Variants in C5orf22 observed in about 807,000 individuals in gnomAD.
C5orf22 encodes UPF0489 protein C5orf22.
C5orf22 carries 36 observed loss-of-function variants against 48.7 expected under a neutral mutation model. The ratio of observed to expected loss-of-function variants is 0.74; its 90% CI spans 0.57 to 0.98. The LOEUF is 0.98. Among genes scored for constraint, C5orf22 ranks in the 50% least tolerant of loss-of-function variants. C5orf22 has a pLI of 0.00. For missense variants in C5orf22, 486 were observed against 521.9 expected (o/e 0.93, Z 0.67); for synonymous variants, 141 against 180.8 (o/e 0.78, Z 1.76).
intron 7 of C5orf22, among the ~76,000 whole-genome samples, chr5:31,549,020 G>T (rs1743076696): frequency 6.6e-6 from 1 of 152,110 alleles, no homozygotes; most frequent in Non-Finnish European, 1.5e-5. Context: ...GGGAGTTCGA[G>T]ACCAGCCTGA....
rs1743492896 is a variant in C5orf22, at chr5:31,554,745, A to G, written c.*1843A>G. The G allele has an allele frequency of 6.6e-6, 1 of 152,176 alleles. No individual in the cohort carries two copies. Among genetic ancestry groups the G allele is most frequent in the Admixed American group, 6.5e-5 (1 of 15,282 alleles). The allele number at this position is 152,176 out of a possible 1,614,324, so 9.4% of individuals were successfully genotyped here. A position where few individuals can be genotyped will look rare whatever the true frequency, so the allele number is the denominator to read the frequency against. ...TTACTAGTCATTTATTATGATTCCC[A>G]TGAACTCTGATATGATTCATTGTGG... On this transcript the variant is annotated 3_prime_UTR_variant, in exon 9 of 9. Transcript: ENST00000325366.
chr5:31,534,323 A>C lies in C5orf22; in HGVS notation c.133A>C (p.Asn45His). ...AGGCTCAAAGCATCTTCCTGCCAGT[A>C]ATGTAAGTTTTTTACATTTCGACTC... ...AIGSKHLPAS[N>H]VSFLHFDSHP... Residue 45 changes from asparagine (N) to histidine (H), a missense_variant, in exon 2 of 9, where the codon AAT (asparagine) becomes CAT (histidine). By Grantham distance (68) the Asn-to-His change is moderately conservative (BLOSUM62 1). This residue lies in a region of C5orf22 where 74 missense variants were observed against 61.2 expected (regional missense o/e 1.21). Coordinates refer to ENST00000325366, the MANE Select transcript of C5orf22 (RefSeq NM_018356.3). 1 of 1,613,816 alleles carries C rather than the reference A, an allele frequency of 6.2e-7. No individual in the cohort carries two copies. Among genetic ancestry groups the C allele is most frequent in the Non-Finnish European group, 8.5e-7 (1 of 1,179,748 alleles).
rs200237808 is a variant in C5orf22, at chr5:31,534,269, C to T, written c.82-3C>T. 27 of 1,605,824 alleles carry T rather than the reference C, an allele frequency of 1.7e-5. No homozygotes were observed. The highest frequency in any genetic ancestry group is 2.7e-5 in the African/African-American group (2 of 74,438). ...TCTTATTGTGTGCCTGTGTCTTTTA[C>T]AGGTTCTACCCTTTATATACCGGGC... is the stretch of plus-strand genomic sequence containing the variant. On this transcript the variant is annotated splice_region_variant and splice_polypyrimidine_tract_variant and intron_variant, in intron 1 of 8. Transcript: ENST00000325366.
chr5:31,552,814 C>G lies in C5orf22; in HGVS notation c.1241C>G (p.Thr414Ser). The change falls in exon 9 of 9, where the codon ACT becomes AGT. Residue 414 changes from threonine (T) to serine (S), a missense_variant. Thr to Ser is a moderately conservative substitution (Grantham distance 58). Coordinates refer to ENST00000325366, the MANE Select transcript of C5orf22 (RefSeq NM_018356.3). ...TACTGTCCTTCTGACCAAGTTGACA[C>G]TATTCAAGAAAAGGTCCTCAATATG... is the stretch of plus-strand genomic sequence containing the variant. The part of the protein sequence containing the change: ...DDYCPSDQVD[T>S]IQEKVLNMLR... The G allele has an allele frequency of 6.2e-7, 1 of 1,613,648 alleles. No individual in the cohort carries two copies. The highest frequency in any genetic ancestry group is 8.5e-7 in the Non-Finnish European group (1 of 1,179,644).
intron 7 of C5orf22, among the ~76,000 whole-genome samples, 158 bp downstream of exon 7, chr5:31,545,870 G>A (rs930266922): frequency 7.2e-5 from 11 of 152,024 alleles, no homozygotes; most frequent in South Asian, 4.2e-4. Flanking sequence ...AAATACATAC[G>A]TTGAAACAGA....
chr5:31,536,508 G>A (rs1580436105), intron 3 of C5orf22, among the ~76,000 whole-genome samples: 1 of 152,256 alleles, frequency 6.6e-6, no homozygotes, highest in East Asian at 1.9e-4. Flanking sequence ...GGGCAACAGA[G>A]TGAGACTCTG....
rs1211912041 is a variant in C5orf22, at chr5:31,541,367, TGAA to T, written c.961_963del (p.Glu321del). The stretch of plus-strand genomic sequence containing the variant: ...TCGCTGATTTGTGTGATGGTGATGA[TGAA>T]GAAACGGTACAGAGATGGGCTTCAA... On this transcript the variant is annotated inframe_deletion, in exon 6 of 9. Transcript: ENST00000325366. The T allele has an allele frequency of 1.2e-6, 2 of 1,614,056 alleles. No individual in the cohort carries two copies. The highest frequency in any genetic ancestry group is 2.2e-5 in the East Asian group (1 of 44,898).
chr5:31,545,815 C>T, intron 7 of C5orf22, 103 bp downstream of exon 7: 2 of 694,268 alleles, frequency 2.9e-6, no homozygotes, highest in Admixed American at 5.4e-5. Context: ...TGTTTGTGTT[C>T]CTGTGAAGTC....
intron 5 of C5orf22, 22 bp from the exon 6 acceptor site, chr5:31,541,259 C>T: frequency 1.9e-6 from 3 of 1,604,652 alleles, no homozygotes; most frequent in Non-Finnish European, 2.6e-6. Flanking sequence ...TATATAATCT[C>T]AGCTTTTCAA....
At position 31,538,562 on chromosome 5, in the gene C5orf22, A is replaced by G. The variant is rs1447301422; in HGVS notation, c.680A>G (p.Gln227Arg). The part of the protein sequence containing the change: ...EPSCSCSSEN[Q>R]ECQTAASTGE... Reference sequence around the variant, plus strand: ...TCATGTTCATGTTCTTCTGAAAATCAGGAATGCCAGACTGCTGCCAGCACT... The same window carrying G: ...TCATGTTCATGTTCTTCTGAAAATCGGGAATGCCAGACTGCTGCCAGCACT... The change falls in exon 4 of 9, where the codon CAG (glutamine) becomes CGG (arginine). Residue 227 changes from glutamine to arginine, a missense_variant. Physicochemically the swap from Gln to Arg is conservative, Grantham distance 43 (BLOSUM62 1). Transcript: ENST00000325366. The G allele has an allele frequency of 5.0e-6, 8 of 1,614,112 alleles. No individual in the cohort carries two copies. Among genetic ancestry groups the G allele is most frequent in the East Asian group, 2.2e-5 (1 of 44,878 alleles).
chr5:31,544,979 T>C (rs963986493), intron 6 of C5orf22, among the ~76,000 whole-genome samples: 1 of 151,874 alleles, frequency 6.6e-6, no homozygotes, highest in African/African-American at 2.4e-5. Context: ...CCTTAATTTT[T>C]TTTTTTTTTT....
intron 7 of C5orf22, among the ~76,000 whole-genome samples, chr5:31,550,784 A>G (rs1353798157): frequency 6.6e-6 from 1 of 151,856 alleles, no homozygotes; most frequent in Non-Finnish European, 1.5e-5. Context: ...CTGGTCTCCA[A>G]CTCCCGACCT....
At chr5:31,549,836 C>T (rs962509452) in intron 7 of C5orf22, among the ~76,000 whole-genome samples, 5 of 152,096 alleles carry the variant, frequency 3.3e-5, no homozygotes, top group Non-Finnish European at 7.4e-5. Flanking sequence ...TGCCATTGGA[C>T]TCCAGCCTGG....
At chr5:31,546,835 G>A (rs1742912088) in intron 7 of C5orf22, among the ~76,000 whole-genome samples, 1 of 152,154 alleles carries the variant, frequency 6.6e-6, no homozygotes, top group South Asian at 2.1e-4. Context: ...TACAATTCAA[G>A]ATGAGATTTG....
intron 3 of C5orf22, among the ~76,000 whole-genome samples, chr5:31,537,387 G>C (rs1742162117): frequency 6.6e-6 from 1 of 152,144 alleles, no homozygotes. Context: ...TATTAATTTA[G>C]GTTGGGGGAT....
intron 4 of C5orf22, among the ~76,000 whole-genome samples, chr5:31,540,044 A>C (rs1205017038): frequency 1.3e-5 from 2 of 152,128 alleles, no homozygotes; most frequent in Non-Finnish European, 2.9e-5. Flanking sequence ...GCGAGACCCC[A>C]TCTCATAAAA....
chr5:31,541,244 A>G, intron 5 of C5orf22, 37 bp from the exon 6 acceptor site: 1 of 1,585,074 alleles, frequency 6.3e-7, no homozygotes. Flanking sequence ...TTTTGAAAGA[A>G]TAACTATATA....
chr5:31,538,270 A>G lies in C5orf22; in HGVS notation c.388A>G (p.Thr130Ala). ...TSTTTIRVTS[T>A]DHYFLSDGLY... The stretch of plus-strand genomic sequence containing the variant: ...TTTCCTCTGATTCAGGGTTACAAGT[A>G]CAGATCATTATTTCCTAAGTGATGG... The change falls in exon 4 of 9, where the codon ACA becomes GCA. Residue 130 changes from threonine (T) to alanine (A), a missense_variant. Thr to Ala is a moderately conservative substitution (Grantham distance 58, BLOSUM62 0). Transcript: ENST00000325366. 1.3e-6 allele frequency: 2 copies of G among 1,596,450 alleles called. No homozygotes were observed. The highest frequency in any genetic ancestry group is 1.7e-6 in the Non-Finnish European group (2 of 1,170,204).
chr5:31,547,628 A>AC (rs1561328939), intron 7 of C5orf22, among the ~76,000 whole-genome samples: 1 of 152,228 alleles, frequency 6.6e-6, no homozygotes, highest in East Asian at 1.9e-4. Flanking sequence ...GATCAACACC[A>AC]CAAGGAAGCT....
Sources: gnomAD v4.1 joint callset for allele counts (sites outside exome capture counted in the v4.1 genomes callset) on GRCh38, gnomAD v4.1.1 for gene constraint, gnomAD v4.1.1 regional missense constraint, MANE v1.5 for transcripts, NCBI Gene and HGNC (gene_info 2026-07-23, HGNC 2026-07-21) for gene names.